ATE1: variants seen among roughly 807,000 people sequenced by gnomAD.
ATE1 encodes arginyl-tRNA--protein transferase 1.
A neutral mutation model predicts 70.5 loss-of-function variants in ATE1; 36 were observed. That is an observed-to-expected ratio of 0.51 (90% CI 0.39 to 0.67). ATE1 has a LOEUF of 0.67. ATE1 is among the 30% of genes least tolerant of loss of function. The pLI is 0.00. For missense variants in ATE1, 593 were observed against 629.5 expected (o/e 0.94, Z 0.62); for synonymous variants, 232 against 219.3 (o/e 1.06, Z -0.51).
At chr10:121,871,575 A>G (rs1742647522) in intron 7 of ATE1, among the ~76,000 whole-genome samples, 1 of 152,352 alleles carries the variant, frequency 6.6e-6, no homozygotes, top group Admixed American at 6.5e-5. Flanking sequence ...GAGGTTTTCC[A>G]TAACAAAGTT....
At chr10:121,858,337 A>G (rs1226697243) in intron 8 of ATE1, among the ~76,000 whole-genome samples, 2 of 151,604 alleles carry the variant, frequency 1.3e-5, no homozygotes, top group East Asian at 3.9e-4. Flanking sequence ...GCCAACAGTT[A>G]CCGTTTTCCA....
At chr10:121,917,707 C>T (rs760789884) in intron 3 of ATE1, among the ~76,000 whole-genome samples, 1 of 151,792 alleles carries the variant, frequency 6.6e-6, no homozygotes, top group Non-Finnish European at 1.5e-5. Context: ...GATGAAAAAC[C>T]AAAAGAATTA....
At chr10:121,754,807 A>G (rs1377139091) in intron 11 of ATE1, among the ~76,000 whole-genome samples, 2 of 152,242 alleles carry the variant, frequency 1.3e-5, no homozygotes, top group Admixed American at 6.5e-5. Flanking sequence ...AACCTGGTAC[A>G]TTCCACTTCC....
chr10:121,831,493 A>T (rs1258753723), intron 10 of ATE1, among the ~76,000 whole-genome samples: 1 of 152,184 alleles, frequency 6.6e-6, no homozygotes, highest in Non-Finnish European at 1.5e-5. Flanking sequence ...GCTTCCTGCG[A>T]ATGTCAACCT....
At chr10:121,877,995 G>A (rs1950108769) in intron 7 of ATE1, among the ~76,000 whole-genome samples, 1 of 152,194 alleles carries the variant, frequency 6.6e-6, no homozygotes, top group African/African-American at 2.4e-5. Flanking sequence ...CCCAGCAATA[G>A]TAGAACAGAT....
chr10:121,802,071 AAAT>A (rs1319395125), intron 10 of ATE1, among the ~76,000 whole-genome samples: 4 of 152,192 alleles, frequency 2.6e-5, no homozygotes, highest in Non-Finnish European at 4.4e-5. Flanking sequence ...TGTGTTTGTA[AAAT>A]AATAATAGTA....
chr10:121,809,942 G>A (rs764863078), intron 10 of ATE1, among the ~76,000 whole-genome samples: 1 of 151,744 alleles, frequency 6.6e-6, no homozygotes, highest in African/African-American at 2.4e-5. Flanking sequence ...GTGGTCAACA[G>A]TGAAATGCCA....
intron 5 of ATE1, among the ~76,000 whole-genome samples, chr10:121,906,574 G>A (rs1231043751): frequency 7.7e-6 from 1 of 129,734 alleles, no homozygotes; most frequent in Non-Finnish European, 1.8e-5. Flanking sequence ...GTTTGCTTTT[G>A]CAGGTTCCAA....
chr10:121,762,472 GA>G (rs902035879), intron 11 of ATE1, among the ~76,000 whole-genome samples: 3 of 152,114 alleles, frequency 2.0e-5, no homozygotes, highest in African/African-American at 4.8e-5. Context: ...TAACATTGAT[GA>G]AAAAAAATGC....
chr10:121,766,648 C>G (rs1020373118), intron 11 of ATE1, among the ~76,000 whole-genome samples: 16 of 151,954 alleles, frequency 1.1e-4, no homozygotes, highest in African/African-American at 3.9e-4. Flanking sequence ...AGCCAAAGTA[C>G]CAGGAAAGGG....
At position 121,852,450 on chromosome 10, in the gene ATE1, A is replaced by T. The variant is rs558064755; in HGVS notation, c.976-11187T>A. Reference sequence around the variant, plus strand: ...ATGAAACACTTCACCGAAGTTTGAAAAATAGAAACACACACTTTGGGAGGC... The same window carrying T: ...ATGAAACACTTCACCGAAGTTTGAATAATAGAAACACACACTTTGGGAGGC... On this transcript the variant is annotated intron_variant, in intron 8 of 11. Transcript: ENST00000224652. Among the ~76,000 whole-genome samples, 12 of 152,270 alleles carry T rather than the reference A, an allele frequency of 7.9e-5. No homozygotes were observed. The East Asian group carries it at 2.3e-3, about 29-fold the overall frequency.
intron 11 of ATE1, among the ~76,000 whole-genome samples, chr10:121,772,548 GA>G (rs925399057): frequency 6.6e-6 from 1 of 152,162 alleles, no homozygotes; most frequent in Non-Finnish European, 1.5e-5. Flanking sequence ...TATTCGGAAT[GA>G]AAGGCCCTGT....
intron 5 of ATE1, among the ~76,000 whole-genome samples, chr10:121,906,741 G>T (rs561141022): frequency 6.6e-6 from 1 of 151,872 alleles, no homozygotes; most frequent in Non-Finnish European, 1.5e-5. Flanking sequence ...AGGGATTTCC[G>T]ACACGCACCT....
In ATE1 at chr10:121,788,018, G is replaced by A. The variant is rs530537309; in HGVS notation, c.1378+2151C>T. On this transcript the variant is annotated intron_variant, in intron 11 of 11. Coordinates refer to ENST00000224652, the MANE Select transcript of ATE1 (RefSeq NM_001001976.3). ...TTTAGGATCATAATATAATTGGAAT[G>A]CAACTTATACAGAAACAGTTTTATA... Among the ~76,000 whole-genome samples, 3 of 152,336 alleles carry A rather than the reference G, an allele frequency of 2.0e-5. No individual in the cohort carries two copies. In the South Asian group the frequency reaches 6.2e-4, roughly 32 times the overall value.
At position 121,875,120 on chromosome 10, in the gene ATE1, C is replaced by CA. The variant is rs1165564180; in HGVS notation, c.943-5083dup. 5.7e-5 allele frequency among the ~76,000 whole-genome samples: 7 copies of CA among 123,338 alleles called. No individual in the cohort carries two copies. The South Asian group carries it at 1.9e-3, about 33-fold the overall frequency. The allele number at this position is 123,338 out of a possible 152,430, so 80.9% of individuals were successfully genotyped here. A position where few individuals can be genotyped will look rare whatever the true frequency, so the allele number is the denominator to read the frequency against. ...CACCACTGCACTCCAGCCTGGGCGA[C>CA]AGACTGAGACTCCGTCTCAAAAAAA... On this transcript the variant is annotated intron_variant, in intron 7 of 11. Coordinates refer to ENST00000224652, the MANE Select transcript of ATE1 (RefSeq NM_001001976.3).
At position 121,913,664 on chromosome 10, in the gene ATE1, G is replaced by A. The variant is rs545941516; in HGVS notation, c.337+126C>T. The stretch of plus-strand genomic sequence containing the variant: ...AACAGTAATAGCAGTGCTAACAGTA[G>A]TCGCTGTCATCATAGTAGTAGCAGT... On this transcript the variant is annotated intron_variant, in intron 4 of 11. Transcript: ENST00000224652. The A allele has an allele frequency of 1.9e-4, 105 of 564,370 alleles. 3 individuals carry two copies. In the South Asian group the frequency reaches 2.9e-3, roughly 16 times the overall value. 35.0% of individuals were successfully genotyped at this position (564,370 alleles called of 1,614,324 possible). A position where few individuals can be genotyped will look rare whatever the true frequency, so the allele number is the denominator to read the frequency against.
chr10:121,859,265 T>A (rs201719312), intron 8 of ATE1, among the ~76,000 whole-genome samples: 10,893 of 150,518 alleles, frequency 0.072, 571 homozygotes, highest in East Asian at 0.29. Flanking sequence ...ATTTTATTTT[T>A]TTTTTTTTTG....
chr10:121,827,010 G>T (rs1319597530), intron 10 of ATE1, among the ~76,000 whole-genome samples: 2 of 135,018 alleles, frequency 1.5e-5, no homozygotes, highest in African/African-American at 2.6e-5. Context: ...TACTGTTGAT[G>T]GGCAATAATT....
intron 8 of ATE1, among the ~76,000 whole-genome samples, chr10:121,851,188 G>A (rs913807902): frequency 2.6e-5 from 4 of 151,592 alleles, no homozygotes; most frequent in African/African-American, 4.8e-5. Context: ...TGGAGGCTGC[G>A]GCGGGCAGAT....
Sources: allele counts gnomAD v4.1 joint callset (sites outside exome capture counted in the v4.1 genomes callset), GRCh38; gene constraint gnomAD v4.1.1; transcripts MANE v1.5; gene names NCBI Gene and HGNC (gene_info 2026-07-23, HGNC 2026-07-21).